TACC1: variants seen among roughly 807,000 people sequenced by gnomAD.
TACC1 encodes transforming acidic coiled-coil-containing protein 1.
A neutral mutation model predicts 84.4 loss-of-function variants in TACC1; 48 were observed. The ratio of observed to expected loss-of-function variants is 0.57; its 90% confidence interval spans 0.45 to 0.72. The LOEUF is 0.72. TACC1 is among the 30% of genes least tolerant of loss of function. The pLI is 0.00. For synonymous variants in TACC1, 372 were observed against 376.3 expected, an observed-to-expected ratio of 0.99 and a Z score of 0.13; for missense variants, 920 against 973.0, an observed-to-expected ratio of 0.95 and a Z score of 0.72.
exon 3 of TACC1, chr8:38,745,239 A>G: frequency 2.2e-6 from 1 of 459,398 alleles, no homozygotes; most frequent in Non-Finnish European, 3.9e-6. Context: ...CTGCACTCAG[A>G]GTAGAGCTGC....
At chr8:38,743,860 C>T (rs1807554900) in intron 2 of TACC1, among the ~76,000 whole-genome samples, 1 of 152,080 alleles carries the variant, frequency 6.6e-6, no homozygotes, top group South Asian at 2.1e-4. Context: ...GCACTCTAGC[C>T]TGGGCAACAG....
chr8:38,803,328 A>T (rs1821868288), intron 2 of TACC1, among the ~76,000 whole-genome samples: 1 of 152,160 alleles, frequency 6.6e-6, no homozygotes. Context: ...AAGAGCTGAC[A>T]TTTTTGTCTC....
intron 2 of TACC1, among the ~76,000 whole-genome samples, chr8:38,818,472 TTATCC>T (rs1361431150): frequency 6.6e-6 from 1 of 152,214 alleles, no homozygotes; most frequent in Non-Finnish European, 1.5e-5. Flanking sequence ...TTTGCAGCAC[TTATCC>T]TAGTAAGACC....
At chr8:38,775,827 A>G (rs1041338368) in intron 3 of TACC1, among the ~76,000 whole-genome samples, 4 of 152,252 alleles carry the variant, frequency 2.6e-5, no homozygotes, top group African/African-American at 7.2e-5. Flanking sequence ...AGATATTCCT[A>G]TATCATACAT....
upstream of TACC1, among the ~76,000 whole-genome samples, chr8:38,783,098 C>CTATA (rs1462143679): frequency 3.9e-4 from 45 of 116,354 alleles, no homozygotes; most frequent in Non-Finnish European, 5.0e-4. Context: ...ATCTATCTAT[C>CTATA]TATCTATCTA....
At chr8:38,833,436 A>T (rs531184638) in intron 6 of TACC1, among the ~76,000 whole-genome samples, 11 of 152,364 alleles carry the variant, frequency 7.2e-5, no homozygotes, top group African/African-American at 1.2e-4. Context: ...AGGCAAGGGC[A>T]TACATTCCTG....
At chr8:38,842,599 C>T (rs1286297774) in intron 10 of TACC1, 152 bp downstream of exon 10, 40 of 925,046 alleles carry the variant, frequency 4.3e-5, no homozygotes, top group Non-Finnish European at 3.9e-5. Context: ...TCCAGTGAAG[C>T]TGGATTTTTT....
At chr8:38,732,186 G>GGGAAA (rs10670002) in intron 1 of TACC1, among the ~76,000 whole-genome samples, 69,080 of 126,344 alleles carry the variant, frequency 0.55, 17,451 homozygotes, top group East Asian at 0.93. Flanking sequence ...GGAAGGAAGA[G>GGGAAA]GGAAAGGAAA....
rs752751721 is a variant in TACC1 at position 38,819,907 on chromosome 8, G to A, written c.663G>A (p.Glu221=). ...TAAAAGCTGGCAACTCCTGTCCAGA[G>A]CTTGTGCCCAGCAGAAGAAGCAAGC... ...ADLKAGNSCP[E]LVPSRRSKLR... is the part of the protein sequence containing the mutation. Residue 221 remains glutamate, a synonymous_variant, in exon 3 of 13, where the codon GAG becomes GAA. Coordinates refer to ENST00000317827, the MANE Select transcript of TACC1 (RefSeq NM_006283.3). The A allele has an allele frequency of 1.2e-6, 2 of 1,614,012 alleles. No individual in the cohort carries two copies. The highest frequency in any genetic ancestry group is 2.7e-5 in the African/African-American group (2 of 74,926).
intron 3 of TACC1, among the ~76,000 whole-genome samples, chr8:38,768,953 A>C (rs988476027): frequency 7.1e-6 from 1 of 141,788 alleles, no homozygotes; most frequent in Admixed American, 7.1e-5. Flanking sequence ...ATATGTGTAC[A>C]TGAGACTGTG....
At chr8:38,832,754 T>C (rs1210002822) in intron 6 of TACC1, among the ~76,000 whole-genome samples, 4 of 152,218 alleles carry the variant, frequency 2.6e-5, no homozygotes, top group African/African-American at 9.6e-5. Flanking sequence ...GGTGAGTTCA[T>C]TTGGCTTTTT....
chr8:38,837,930 C>T lies in TACC1; in HGVS notation c.1840-540C>T, dbSNP rs151030576. ...CTAGCAAGACTCTACCCATAAGTGACGGATGCTATAGCTAGATGTAGCCAG... is the reference window on the plus strand; with the variant it reads ...CTAGCAAGACTCTACCCATAAGTGATGGATGCTATAGCTAGATGTAGCCAG... On this transcript the variant is annotated intron_variant, in intron 7 of 12. Coordinates refer to ENST00000317827, the MANE Select transcript of TACC1 (RefSeq NM_006283.3). 2.0e-4 allele frequency among the ~76,000 whole-genome samples: 31 copies of T among 152,358 alleles called. 1 individual carries two copies. The highest frequency in any genetic ancestry group is 7.0e-4 in the African/African-American group (29 of 41,590).
At chr8:38,787,048 C>G (rs1160962840), upstream of TACC1, among the ~76,000 whole-genome samples, 4 of 151,702 alleles carry the variant, frequency 2.6e-5, no homozygotes, top group African/African-American at 7.2e-5. Flanking sequence ...CGGCAAGCCC[C>G]GGCCCTCAGT....
intron 3 of TACC1, among the ~76,000 whole-genome samples, chr8:38,778,786 T>C (rs1815349140): frequency 3.3e-5 from 5 of 152,146 alleles, no homozygotes; most frequent in Admixed American, 2.6e-4. Flanking sequence ...TGGGTGTCAT[T>C]TCCCTCATCA....
chr8:38,729,291 C>T (rs924705773), intron 1 of TACC1, among the ~76,000 whole-genome samples: 3 of 152,230 alleles, frequency 2.0e-5, no homozygotes, highest in Admixed American at 6.5e-5. Flanking sequence ...GGTCAGGGCC[C>T]TTGAGCATCA....
chr8:38,792,526 T>G (rs1483313409), intron 2 of TACC1, among the ~76,000 whole-genome samples: 2 of 152,094 alleles, frequency 1.3e-5, no homozygotes, highest in Non-Finnish European at 2.9e-5. Flanking sequence ...AATGCAGTGG[T>G]GCGATCTCGG....
At chr8:38,811,708 T>G (rs1824188595) in intron 2 of TACC1, among the ~76,000 whole-genome samples, 1 of 152,322 alleles carries the variant, frequency 6.6e-6, no homozygotes, top group South Asian at 2.1e-4. Context: ...GGACCACTAT[T>G]GTACAAATTG....
chr8:38,749,682 C>G (rs1808687530), intron 3 of TACC1, among the ~76,000 whole-genome samples: 2 of 152,014 alleles, frequency 1.3e-5, no homozygotes, highest in African/African-American at 4.8e-5. Context: ...ACCTCTGCCT[C>G]CCAGGTTCAA....
In TACC1 at chr8:38,839,720, G is replaced by A. The variant is rs1338766881; in HGVS notation, c.1917-504G>A. The stretch of plus-strand genomic sequence containing the variant: ...CACTAGAAGAAAGGTTAACCCAAGA[G>A]GTTGATCTTTAAAGTCTTTGAATAA... On this transcript the variant is annotated intron_variant, in intron 8 of 12. Transcript: ENST00000317827. 3.4e-5 allele frequency: 6 copies of A among 176,134 alleles called. No individual in the cohort carries two copies. In the East Asian group the frequency reaches 8.5e-4, roughly 25 times the overall value. The allele number at this position is 176,134 out of a possible 1,614,324, so 10.9% of individuals were successfully genotyped here.
Sources: gnomAD v4.1 joint callset for allele counts (sites outside exome capture counted in the v4.1 genomes callset) on GRCh38, gnomAD v4.1.1 for gene constraint, MANE v1.5 for transcripts, NCBI Gene and HGNC (gene_info 2026-07-23, HGNC 2026-07-21) for gene names.